OAS2: variants seen among roughly 807,000 people sequenced by gnomAD.
The protein encoded by OAS2 is 2'-5'-oligoadenylate synthetase 2.
Under a neutral mutation model 71.3 loss-of-function variants are expected in OAS2, and 67 were observed. That is an observed-to-expected ratio of 0.94 (90% confidence interval 0.77 to 1.15). The LOEUF (loss-of-function observed/expected upper bound fraction) is 1.15, where lower values mean the gene tolerates loss of function less well. OAS2 is among the 50% of genes most tolerant of loss of function. The pLI is 0.00. For missense variants in OAS2, 789 were observed against 822.5 expected (o/e 0.96, Z 0.50); for synonymous variants, 327 against 321.8 (o/e 1.02, Z -0.17).
At position 113,001,311 on chromosome 12, in the gene OAS2, A is replaced by G. The variant is rs530441195; in HGVS notation, c.1009-1621A>G. Among the ~76,000 whole-genome samples the G allele has an allele frequency of 5.3e-5, 8 of 152,014 alleles. No homozygotes were observed. In the South Asian group the frequency reaches 1.7e-3, roughly 32 times the overall value. On this transcript the variant is annotated intron_variant, in intron 5 of 9. Coordinates refer to ENST00000392583, the MANE Select transcript of OAS2 (RefSeq NM_002535.3). ...CACTGCATTCAGCCTGGGTGACAGAACAAGACCCTGTCTCAAAATTACTTT... is the reference window on the plus strand; with the variant it reads ...CACTGCATTCAGCCTGGGTGACAGAGCAAGACCCTGTCTCAAAATTACTTT...
At chr12:113,002,444 T>C (rs1031419183) in intron 5 of OAS2, among the ~76,000 whole-genome samples, 3 of 152,212 alleles carry the variant, frequency 2.0e-5, no homozygotes, top group Non-Finnish European at 4.4e-5. Flanking sequence ...TGGCAGCCTT[T>C]GGAAACCAAC....
chr12:112,978,701 G>A lies in OAS2; in HGVS notation c.93G>A (p.Gln31=). 1 of 1,614,170 alleles carries A rather than the reference G, an allele frequency of 6.2e-7. No individual in the cohort carries two copies. Among genetic ancestry groups the A allele is most frequent in the African/African-American group, 1.3e-5 (1 of 75,042 alleles). ...QEYLKPYEEC[Q]TLIDEMVNTI... The stretch of plus-strand genomic sequence containing the variant: ...ACCTGAAGCCCTACGAAGAATGTCA[G>A]ACACTGATCGACGAGATGGTGAACA... The change falls in exon 1 of 10, where the codon CAG becomes CAA. Residue 31 remains glutamine (Q), a synonymous_variant. Transcript: ENST00000392583. The surrounding 1 kb of genome is among the most constrained non-coding windows in gnomAD (Gnocchi z 4.2).
chr12:113,004,487 C>T (rs1473752842), intron 6 of OAS2, among the ~76,000 whole-genome samples: 1 of 152,184 alleles, frequency 6.6e-6, no homozygotes, highest in Non-Finnish European at 1.5e-5. Context: ...AGTTTACCAA[C>T]CCTGTACCTC....
In OAS2 at chr12:113,009,648, A is replaced by G. The variant is rs2044363296; in HGVS notation, c.*393A>G. 1 of 993,098 alleles carries G rather than the reference A, an allele frequency of 1.0e-6. No homozygotes were observed. Among genetic ancestry groups the G allele is most frequent in the Non-Finnish European group, 1.2e-6 (1 of 835,374 alleles). The allele number at this position is 993,098 out of a possible 1,614,324, so 61.5% of individuals were successfully genotyped here. On this transcript the variant is annotated 3_prime_UTR_variant, in exon 10 of 10. Coordinates refer to ENST00000392583, the MANE Select transcript of OAS2 (RefSeq NM_002535.3). The stretch of plus-strand genomic sequence containing the variant: ...AGCGGCCACGGTGCCTCCAGATGGC[A>G]GGTTTGCAATCCAAGCAGGAAGAAG...
At chr12:112,995,641 G>A (rs1333801443) in intron 3 of OAS2, among the ~76,000 whole-genome samples, 167 bp downstream of exon 3, 1 of 152,124 alleles carries the variant, frequency 6.6e-6, no homozygotes, top group Non-Finnish European at 1.5e-5. Flanking sequence ...ACCCCAGAAG[G>A]TGCCTCAAGC....
At chr12:112,982,598 T>C (rs958151471) in intron 1 of OAS2, among the ~76,000 whole-genome samples, 2 of 152,172 alleles carry the variant, frequency 1.3e-5, no homozygotes, top group Non-Finnish European at 2.9e-5. Context: ...AAGGTATTTG[T>C]ATCTATGTTC....
In OAS2 at chr12:113,010,730, T is replaced by C; in HGVS notation, c.*1475T>C. The C allele has an allele frequency of 3.0e-6, 1 of 329,950 alleles. No individual in the cohort carries two copies. The highest frequency in any genetic ancestry group is 5.2e-6 in the Non-Finnish European group (1 of 191,082). The allele number at this position is 329,950 out of a possible 1,614,324, so 20.4% of individuals were successfully genotyped here. A position where few individuals can be genotyped will look rare whatever the true frequency, so the allele number is the denominator to read the frequency against. On this transcript the variant is annotated 3_prime_UTR_variant, in exon 10 of 10. Transcript: ENST00000392583. ...ATCTTATTTCTGTCAACTTGTATTT[T>C]TTTTCTTGTATTTTTCCAATTAGCT...
intron 5 of OAS2, among the ~76,000 whole-genome samples, chr12:112,998,913 G>T (rs1029636673): frequency 6.6e-6 from 1 of 152,200 alleles, no homozygotes; most frequent in Admixed American, 6.5e-5. Flanking sequence ...GATACTGTAG[G>T]TTGGAACCCC....
rs1158830620 is a variant in OAS2, at chr12:113,005,136, C to A, written c.1382C>A (p.Ala461Asp). 6.2e-7 allele frequency: 1 copy of A among 1,614,034 alleles called. No individual in the cohort carries two copies. The highest frequency in any genetic ancestry group is 8.5e-7 in the Non-Finnish European group (1 of 1,180,016). ...AGCTTTGAGCCTCCCAAGTGGAAGG[C>A]TCCCAGGGTGCTGAGCTTCTCTCTG... The part of the protein sequence containing the change: ...EVSFEPPKWK[A>D]PRVLSFSLKS... Residue 461 changes from alanine (A) to aspartate (D), a missense_variant, in exon 7 of 10, where the codon GCT becomes GAT. Physicochemically the swap from Ala to Asp is moderately radical, Grantham distance 126. Coordinates refer to ENST00000392583, the MANE Select transcript of OAS2 (RefSeq NM_002535.3).
chr12:113,003,120 T>G lies in OAS2; in HGVS notation c.1179+18T>G, dbSNP rs370758817. The G allele has an allele frequency of 2.4e-5, 38 of 1,612,838 alleles. No individual in the cohort carries two copies. Among genetic ancestry groups the G allele is most frequent in the Non-Finnish European group, 3.2e-5 (38 of 1,179,102 alleles). Reference sequence around the variant, plus strand: ...TTGTCCGGGTGAGCACTGGCCTTTCTCATGTCTTGTTGGAATGATGTAATA... The same window carrying G: ...TTGTCCGGGTGAGCACTGGCCTTTCGCATGTCTTGTTGGAATGATGTAATA... On this transcript the variant is annotated intron_variant, in intron 6 of 9. Transcript: ENST00000392583.
chr12:113,007,933 C>A lies in OAS2; in HGVS notation c.1885C>A (p.Gln629Lys). The A allele has an allele frequency of 1.2e-6, 2 of 1,612,760 alleles. No homozygotes were observed. The highest frequency in any genetic ancestry group is 2.2e-5 in the South Asian group (2 of 91,044). The change falls in exon 9 of 10, where the codon CAG (glutamine) becomes AAG (lysine). Residue 629 changes from glutamine (Q) to lysine (K), a missense_variant. Transcript: ENST00000392583. ...TVRKFLLSQLQKTRPVILDPA... is the reference protein window; with the variant it reads ...TVRKFLLSQLKKTRPVILDPA... ...GAGGAAGTTTCTACTGAGCCAGTTG[C>A]AGAAAACCAGGTGCCTTCACCCTAG...
chr12:112,991,332 A>G (rs1207980454), intron 2 of OAS2, among the ~76,000 whole-genome samples: 1 of 152,216 alleles, frequency 6.6e-6, no homozygotes, highest in East Asian at 1.9e-4. Flanking sequence ...TGCAAACCCC[A>G]ACTATCTGAG....
Position 112,978,894 on chromosome 12 carries a change from G to T in OAS2, c.177+109G>T, listed in dbSNP as rs962539477. ...CTATTATGTGCGAGGCCCACACTTG[G>T]GTGGGATGTGGTGTAGGAGTCTCAG... On this transcript the variant is annotated intron_variant, in intron 1 of 9. Coordinates refer to ENST00000392583, the MANE Select transcript of OAS2 (RefSeq NM_002535.3). This position sits in a 1 kb window ranked among gnomAD's most constrained non-coding sequence, Gnocchi z 4.2. 50 of 1,011,914 alleles carry T rather than the reference G, an allele frequency of 4.9e-5. No individual in the cohort carries two copies. In the African/African-American group the frequency reaches 7.2e-4, roughly 14 times the overall value. The allele number at this position is 1,011,914 out of a possible 1,614,324, so 62.7% of individuals were successfully genotyped here.
At chr12:113,008,052 G>A (rs2044350261) in intron 9 of OAS2, 109 bp downstream of exon 9, 1 of 804,084 alleles carries the variant, frequency 1.2e-6, no homozygotes, top group Admixed American at 1.9e-5. Context: ...TGCATGACGG[G>A]GGAAAGTGCT....
rs746374730 is a variant in OAS2 at position 113,005,064 on chromosome 12, A to C, written c.1310A>C (p.Glu437Ala). 3 of 1,614,088 alleles carry C rather than the reference A, an allele frequency of 1.9e-6. No homozygotes were observed. The highest frequency in any genetic ancestry group is 2.5e-6 in the Non-Finnish European group (3 of 1,180,032). The change falls in exon 7 of 10, where the codon GAA (glutamate) becomes GCA (alanine). Residue 437 changes from glutamate (E) to alanine (A), a missense_variant. Transcript: ENST00000392583. ...CACAAAATCGTCAAGGAAATCCATG[A>C]ACAGCTGAAAGCCTTTTGGAGGGAG... ...ERHKIVKEIH[E>A]QLKAFWREKE...
Position 113,010,066 on chromosome 12 carries a change from G to A in OAS2, c.*811G>A. 1 of 1,040,630 alleles carries A rather than the reference G, an allele frequency of 9.6e-7. No individual in the cohort carries two copies. The highest frequency in any genetic ancestry group is 1.2e-6 in the Non-Finnish European group (1 of 863,234). 64.5% of individuals were successfully genotyped at this position (1,040,630 alleles called of 1,614,324 possible). ...CATCTCTGGCCTGTACCCAGTAGAT[G>A]CCACCCAGTTGTGACAATTAAAAGT... On this transcript the variant is annotated 3_prime_UTR_variant, in exon 10 of 10. Transcript: ENST00000392583.
chr12:112,988,426 T>TC (rs2044160807), intron 2 of OAS2: 1 of 309,552 alleles, frequency 3.2e-6, no homozygotes, highest in Non-Finnish European at 4.7e-6. Flanking sequence ...GCCAGACTGG[T>TC]TATAGCTCAG....
At chr12:112,998,786 A>G (rs937948546) in intron 5 of OAS2, among the ~76,000 whole-genome samples, 2 of 152,156 alleles carry the variant, frequency 1.3e-5, no homozygotes, top group Non-Finnish European at 2.9e-5. Context: ...TGTCTGTCTT[A>G]TCATCTCCTC....
At position 113,007,813 on chromosome 12, in the gene OAS2, G is replaced by A; in HGVS notation, c.1765G>A (p.Ala589Thr). ...QGSGVPDFDT[A>T]EGFRTVLELV... ...GAGTGGAGTGCCGGATTTTGACACT[G>A]CAGAAGGTTTCCGGACAGTCCTGGA... is the stretch of plus-strand genomic sequence containing the variant. Residue 589 changes from alanine (A) to threonine (T), a missense_variant, in exon 9 of 10, where the codon GCA becomes ACA. Coordinates refer to ENST00000392583, the MANE Select transcript of OAS2 (RefSeq NM_002535.3). 1 of 1,614,182 alleles carries A rather than the reference G, an allele frequency of 6.2e-7. No homozygotes were observed. The highest frequency in any genetic ancestry group is 8.5e-7 in the Non-Finnish European group (1 of 1,180,010).
Sources: allele counts gnomAD v4.1 joint callset (sites outside exome capture counted in the v4.1 genomes callset), GRCh38; gene constraint gnomAD v4.1.1; non-coding constraint Gnocchi (gnomAD v3.1); transcripts MANE v1.5; gene names NCBI Gene and HGNC (gene_info 2026-07-23, HGNC 2026-07-21).